DNAH12: variants seen among roughly 807,000 people sequenced by gnomAD.
The protein encoded by DNAH12 is dynein axonemal heavy chain 12.
DNAH12 carries 285 observed loss-of-function variants against 371.5 expected under a neutral mutation model. The ratio of observed to expected loss-of-function variants is 0.77; its 90% CI spans 0.70 to 0.85. The LOEUF is 0.85. Among genes scored for constraint, DNAH12 ranks in the 40% least tolerant of loss-of-function variants. The probability of loss-of-function intolerance (pLI) is 0.00; values close to 1 mark genes in which losing one functional copy is unlikely to be tolerated. For synonymous variants in DNAH12, 1,200 were observed against 1,213.0 expected, an observed-to-expected ratio of 0.99 and a Z score of 0.22; for missense variants, 3,611 against 3,689.4, an observed-to-expected ratio of 0.98 and a Z score of 0.55.
At chr3:57,404,778 C>G (rs970512299) in intron 42 of DNAH12, among the ~76,000 whole-genome samples, 191 bp downstream of exon 42, 4 of 152,064 alleles carry the variant, frequency 2.6e-5, no homozygotes, top group Non-Finnish European at 5.9e-5. Context: ...TCGTATGACA[C>G]AGGATGCAGT....
chr3:57,495,063 T>TCAATC (rs1300356856), intron 11 of DNAH12, among the ~76,000 whole-genome samples: 1 of 151,378 alleles, frequency 6.6e-6, no homozygotes, highest in Non-Finnish European at 1.5e-5. Context: ...AATAAAAGGG[T>TCAATC]CAATCCATCA....
At chr3:57,450,250 T>TTAAAAAA (rs559886102) in intron 25 of DNAH12, among the ~76,000 whole-genome samples, 2 of 98,580 alleles carry the variant, frequency 2.0e-5, no homozygotes. Flanking sequence ...TGTCTCAATT[T>TTAAAAAA]AAAAAAAAAA....
intron 57 of DNAH12, among the ~76,000 whole-genome samples, chr3:57,366,486 G>A (rs1038955780): frequency 1.3e-5 from 2 of 152,104 alleles, no homozygotes; most frequent in East Asian, 1.9e-4. Flanking sequence ...AGTCTGGATC[G>A]GGATCCCTTT....
rs895024305 is a variant in DNAH12 at position 57,470,926 on chromosome 3, C to T, written c.1912-290G>A. ...TTTGCCATGTTGGCTAGGCTGGTCT[C>T]GAACTCCTGACCTCAGGTGATCTGC... On this transcript the variant is annotated intron_variant, in intron 15 of 73. Coordinates refer to ENST00000495027, the MANE Select transcript of DNAH12 (RefSeq NM_001366028.2). Among the ~76,000 whole-genome samples the T allele has an allele frequency of 4.6e-5, 7 of 151,842 alleles. No individual in the cohort carries two copies. The East Asian group carries it at 9.8e-4, about 21-fold the overall frequency.
chr3:57,361,912 G>A (rs1229674049), intron 58 of DNAH12, among the ~76,000 whole-genome samples: 3 of 152,002 alleles, frequency 2.0e-5, no homozygotes, highest in African/African-American at 7.2e-5. Flanking sequence ...TGTGCACAAT[G>A]TGCAGGTTTG....
rs1386097350 is a variant in DNAH12, at chr3:57,445,230, A to T, written c.4369T>A (p.Leu1457Ile). 2 of 1,550,608 alleles carry T rather than the reference A, an allele frequency of 1.3e-6. No homozygotes were observed. Among genetic ancestry groups the T allele is most frequent in the African/African-American group, 2.7e-5 (2 of 73,028 alleles). The stretch of plus-strand genomic sequence containing the variant: ...AGTTTTAGATTGCCAGCAGCCACTA[A>T]AACGGCTTTTACTGCTCGCATTCCA... Reference protein sequence around the residue: ...DYGMRAVKAVLVAAGNLKLKY... With the variant: ...DYGMRAVKAVIVAAGNLKLKY... The change falls in exon 28 of 74, where the codon TTA becomes ATA. Residue 1457 changes from leucine (L) to isoleucine (I), a missense_variant. Leu to Ile is a conservative substitution (Grantham distance 5). This residue lies in a region of DNAH12 where 2,266 missense variants were observed against 2,236.9 expected (regional missense o/e 1.01). Coordinates refer to ENST00000495027, the MANE Select transcript of DNAH12 (RefSeq NM_001366028.2).
rs748603602 is a variant in DNAH12 at position 57,507,621 on chromosome 3, AATATAT to A, written c.897+16_897+21del. 2 of 1,492,868 alleles carry A rather than the reference AATATAT, an allele frequency of 1.3e-6. No homozygotes were observed. The highest frequency in any genetic ancestry group is 1.5e-5 in the African/African-American group (1 of 68,944). The allele number at this position is 1,492,868 out of a possible 1,614,324, so 92.5% of individuals were successfully genotyped here. A position where few individuals can be genotyped will look rare whatever the true frequency, so the allele number is the denominator to read the frequency against. Reference sequence around the variant, plus strand: ...ACTAATTTTAATAACATTATCATTTAATATATATAAAGTGTATGTACCTGATTTGAC... The same window carrying A: ...ACTAATTTTAATAACATTATCATTTAATAAAGTGTATGTACCTGATTTGAC... On this transcript the variant is annotated intron_variant, in intron 8 of 73. Coordinates refer to ENST00000495027, the MANE Select transcript of DNAH12 (RefSeq NM_001366028.2).
At chr3:57,303,971 A>G (rs945965894) in intron 69 of DNAH12, among the ~76,000 whole-genome samples, 1 of 152,098 alleles carries the variant, frequency 6.6e-6, no homozygotes, top group Admixed American at 6.5e-5. Flanking sequence ...TGGCTGGTCC[A>G]TGCCTTAACT....
chr3:57,299,977 G>A (rs1190197313), intron 70 of DNAH12, among the ~76,000 whole-genome samples: 1 of 152,160 alleles, frequency 6.6e-6, no homozygotes, highest in Non-Finnish European at 1.5e-5. Flanking sequence ...TCTGAAAAAT[G>A]TCTAATTACA....
upstream of DNAH12, among the ~76,000 whole-genome samples, chr3:57,547,302 C>A (rs184266941): frequency 1.3e-5 from 2 of 151,112 alleles, no homozygotes; most frequent in Non-Finnish European, 2.9e-5. Flanking sequence ...ATACAATGTA[C>A]GTCCTTTTTT....
At chr3:57,474,777 T>C (rs2066471231) in intron 13 of DNAH12, among the ~76,000 whole-genome samples, 2 of 151,992 alleles carry the variant, frequency 1.3e-5, no homozygotes, top group Non-Finnish European at 2.9e-5. Context: ...GCCAACATGG[T>C]GAAACCCCGT....
chr3:57,459,818 G>T, intron 19 of DNAH12, 32 bp from the exon 20 acceptor site: 1 of 1,307,072 alleles, frequency 7.7e-7, no homozygotes, highest in Non-Finnish European at 9.8e-7. Context: ...CTAAATTCTA[G>T]TTATTAAAGA....
chr3:57,444,780 A>G lies in DNAH12; in HGVS notation c.4462T>C (p.Phe1488Leu), dbSNP rs558683999. Residue 1488 changes from phenylalanine to leucine, a missense_variant, in exon 29 of 74, where the codon TTT becomes CTT. Around this residue, in one of 3 missense-constraint regions of DNAH12, gnomAD observed 2,266 missense variants for 2,236.9 expected, o/e 1.01. Transcript: ENST00000495027. ...RSIKDVNEPK[F>L]LSHDIPLFNG... is the part of the protein sequence containing the mutation. ...AATAAAGGTATATCATGTGATAAAAACTTTGGTTCATTTACATCTTTAATT... is the reference window on the plus strand; with the variant it reads ...AATAAAGGTATATCATGTGATAAAAGCTTTGGTTCATTTACATCTTTAATT... 3 of 1,548,202 alleles carry G rather than the reference A, an allele frequency of 1.9e-6. No homozygotes were observed. The highest frequency in any genetic ancestry group is 2.6e-6 in the Non-Finnish European group (3 of 1,145,902).
At chr3:57,334,401 T>C in intron 62 of DNAH12, 64 bp downstream of exon 62, 1 of 1,444,436 alleles carries the variant, frequency 6.9e-7, no homozygotes, top group South Asian at 1.5e-5. Flanking sequence ...ACAAGAACTT[T>C]AAGCCTAGCA....
intron 29 of DNAH12, among the ~76,000 whole-genome samples, chr3:57,437,528 C>T (rs73076422): frequency 0.14 from 21,827 of 152,178 alleles, 1,607 homozygotes; most frequent in South Asian, 0.21. Context: ...TAGGTAAGCA[C>T]AAAGCAACAG....
rs151301915 is a variant in DNAH12 at position 57,416,040 on chromosome 3, G to A, written c.5715-476C>T. Among the ~76,000 whole-genome samples, 54 of 152,014 alleles carry A rather than the reference G, an allele frequency of 3.6e-4. No individual in the cohort carries two copies. In the East Asian group the frequency reaches 9.3e-3, roughly 26 times the overall value. On this transcript the variant is annotated intron_variant, in intron 37 of 73. Transcript: ENST00000495027. ...TGACCTCAAGTAATCCACCTGCCTTGGCCTCCCAAAGTGCTGGGATTACAG... is the reference window on the plus strand; with the variant it reads ...TGACCTCAAGTAATCCACCTGCCTTAGCCTCCCAAAGTGCTGGGATTACAG...
chr3:57,471,711 A>C, intron 14 of DNAH12, 105 bp from the exon 15 acceptor site: 1 of 1,037,544 alleles, frequency 9.6e-7, no homozygotes, highest in African/African-American at 1.7e-5. Context: ...AGAGAAGTAA[A>C]AATGAGTACA....
chr3:57,390,446 T>TATATATACACATACATATAC (rs2063598007), intron 45 of DNAH12, among the ~76,000 whole-genome samples: 1 of 91,740 alleles, frequency 1.1e-5, no homozygotes, highest in Non-Finnish European at 2.3e-5. Context: ...TATATATATA[T>TATATATACACATACATATAC]ATATACTTAG....
At chr3:57,330,649 CA>C (rs917902963) in intron 62 of DNAH12, among the ~76,000 whole-genome samples, 1 of 149,446 alleles carries the variant, frequency 6.7e-6, no homozygotes, top group African/African-American at 2.5e-5. Context: ...ACCAGCATGT[CA>C]CATGTATACA....
Sources: allele counts gnomAD v4.1 joint callset (sites outside exome capture counted in the v4.1 genomes callset), GRCh38; gene constraint gnomAD v4.1.1; regional missense constraint gnomAD v4.1.1; transcripts MANE v1.5; gene names NCBI Gene and HGNC (gene_info 2026-07-23, HGNC 2026-07-21).